The following PCDHGA2 variants were observed in gnomAD, a reference collection of about 807,000 sequenced individuals.
PCDHGA2 encodes protocadherin gamma subfamily A, 2.
Under a neutral mutation model 59.2 loss-of-function variants are expected in PCDHGA2, and 40 were observed. That is an observed-to-expected ratio of 0.68 (90% CI 0.52 to 0.88). The LOEUF is 0.88. PCDHGA2 is among the 40% of genes least tolerant of loss of function. The probability of loss-of-function intolerance (pLI) is 0.00; values close to 1 mark genes in which losing one functional copy is unlikely to be tolerated. For missense variants in PCDHGA2, 1,226 were observed against 1,204.0 expected, an observed-to-expected ratio of 1.02 and a Z score of -0.27; for synonymous variants, 560 against 526.0, an observed-to-expected ratio of 1.06 and a Z score of -0.89.
intron 1 of PCDHGA2, chr5:141,410,663 T>C (rs2095415377): frequency 6.4e-7 from 1 of 1,570,102 alleles, no homozygotes; most frequent in Non-Finnish European, 8.6e-7. Flanking sequence ...AATAGTCTAC[T>C]AGTTTCTCAT....
intron 1 of PCDHGA2, chr5:141,395,944 C>G (rs1218959085): frequency 6.6e-6 from 1 of 151,840 alleles, no homozygotes; most frequent in East Asian, 1.9e-4. Context: ...CATTGCTCCC[C>G]CAAACAAAAA....
chr5:141,341,447 A>G (rs1208592355), intron 1 of PCDHGA2, 52 bp downstream of exon 1: 10 of 1,609,036 alleles, frequency 6.2e-6, no homozygotes, highest in African/African-American at 1.3e-5. Context: ...GAAGTAATTC[A>G]CTTACTTGTT....
chr5:141,389,894 G>A (rs754241365), intron 1 of PCDHGA2: 56 of 1,613,970 alleles, frequency 3.5e-5, no homozygotes, highest in Non-Finnish European at 4.7e-5. Flanking sequence ...AGGAGGTGCT[G>A]CCGGATATCA....
chr5:141,366,164 A>G (rs1316186931), intron 1 of PCDHGA2: 1 of 1,614,076 alleles, frequency 6.2e-7, no homozygotes, highest in Middle Eastern at 1.6e-4. Context: ...GCTTAAGGCC[A>G]GCGAGCCAGG....
At chr5:141,495,153 T>G (rs2154591630) in intron 2 of PCDHGA2, among the ~76,000 whole-genome samples, 1 of 152,290 alleles carries the variant, frequency 6.6e-6, no homozygotes, top group East Asian at 1.9e-4. Flanking sequence ...AGGATGGTCT[T>G]AAGCTGGTCT....
At chr5:141,388,965 G>A in intron 1 of PCDHGA2, 2 of 1,613,978 alleles carry the variant, frequency 1.2e-6, no homozygotes, top group Non-Finnish European at 1.7e-6. Flanking sequence ...CGCCGAGCTG[G>A]GAACACATAT....
chr5:141,357,426 C>T (rs779091289), intron 1 of PCDHGA2: 34 of 1,614,084 alleles, frequency 2.1e-5, no homozygotes, highest in South Asian at 1.2e-4. Context: ...ACTTTGTGGG[C>T]GTGGACGGGG....
Position 141,511,350 on chromosome 5 carries a change from C to G in PCDHGA2, c.*177C>G, listed in dbSNP as rs1303365585. 4.3e-6 allele frequency: 6 copies of G among 1,397,194 alleles called. No homozygotes were observed. Among genetic ancestry groups the G allele is most frequent in the East Asian group, 2.5e-5 (1 of 39,862 alleles). The allele number at this position is 1,397,194 out of a possible 1,614,324, so 86.5% of individuals were successfully genotyped here. On this transcript the variant is annotated 3_prime_UTR_variant, in exon 4 of 4. Transcript: ENST00000394576. ...CCCAGTCAGCACCTACCCCTTCCCC[C>G]CCAGGGGGTTGAATATGCAAAAGCA...
chr5:141,486,278 G>A lies in PCDHGA2; in HGVS notation c.2425-8529G>A. The A allele has an allele frequency of 1.2e-6, 2 of 1,614,088 alleles. No individual in the cohort carries two copies. Among genetic ancestry groups the A allele is most frequent in the South Asian group, 2.2e-5 (2 of 91,068 alleles). On this transcript the variant is annotated intron_variant, in intron 1 of 3. Transcript: ENST00000394576. This position sits in a 1 kb window ranked among gnomAD's most constrained non-coding sequence, Gnocchi z 5.0. The stretch of plus-strand genomic sequence containing the variant: ...CGAGAGTGCAGAACCTGGCACTGTG[G>A]TGGCACTTATCAGTGTGCAGGATCC...
chr5:141,433,365 A>G (rs1347170890), intron 1 of PCDHGA2: 7 of 523,718 alleles, frequency 1.3e-5, no homozygotes, highest in Non-Finnish European at 2.4e-5. Context: ...CTGCCTATCT[A>G]TCTATCTATC....
chr5:141,349,577 C>A (rs1181404726), intron 1 of PCDHGA2, among the ~76,000 whole-genome samples: 2 of 152,028 alleles, frequency 1.3e-5, no homozygotes, highest in African/African-American at 4.8e-5. Context: ...GCTGTGATTT[C>A]CTCTTTTTTG....
chr5:141,410,031 AG>A lies in PCDHGA2; in HGVS notation c.2424+68638del, dbSNP rs1303415196. ...GCCTGGCTGTCCTACCACGTGCTGCAGGCCAGTGAGCCCGGACTCTTCAGCC... is the reference window on the plus strand; with the variant it reads ...GCCTGGCTGTCCTACCACGTGCTGCAGCCAGTGAGCCCGGACTCTTCAGCC... On this transcript the variant is annotated intron_variant, in intron 1 of 3. Coordinates refer to ENST00000394576, the MANE Select transcript of PCDHGA2 (RefSeq NM_018915.4). 3.1e-6 allele frequency: 5 copies of A among 1,613,236 alleles called. No homozygotes were observed. In the South Asian group the frequency reaches 5.5e-5, roughly 18 times the overall value.
Position 141,389,835 on chromosome 5 carries a change from C to T in PCDHGA2, c.2424+48440C>T, listed in dbSNP as rs1238547778. 4.3e-6 allele frequency: 7 copies of T among 1,614,002 alleles called. No homozygotes were observed. The South Asian group carries it at 7.7e-5, about 18-fold the overall frequency. On this transcript the variant is annotated intron_variant, in intron 1 of 3. Transcript: ENST00000394576. ...CGCCGTGCGTGACGGTGGACAGCCA[C>T]CACTCTCGGCCACTGCCACGTTGCA...
At position 141,432,900 on chromosome 5, in the gene PCDHGA2, T is replaced by A. The variant is rs139221180; in HGVS notation, c.2425-61907T>A. ...GCCTTCGTCATCTTGCTGCTGGCGCTCAGGCTGCGGCGCTGGCACAAGTCA... is the reference window on the plus strand; with the variant it reads ...GCCTTCGTCATCTTGCTGCTGGCGCACAGGCTGCGGCGCTGGCACAAGTCA... On this transcript the variant is annotated intron_variant, in intron 1 of 3. Transcript: ENST00000394576. The surrounding 1 kb of genome is among the most constrained non-coding windows in gnomAD (Gnocchi z 6.0). The A allele has an allele frequency of 7.9e-5, 128 of 1,614,174 alleles. No homozygotes were observed. The highest frequency in any genetic ancestry group is 7.4e-4 in the East Asian group (33 of 44,868).
chr5:141,403,136 C>T, intron 1 of PCDHGA2: 1 of 1,614,006 alleles, frequency 6.2e-7, no homozygotes, highest in South Asian at 1.1e-5. Flanking sequence ...GCTGGCGGAG[C>T]GCCGAGTCCG....
intron 1 of PCDHGA2, among the ~76,000 whole-genome samples, chr5:141,381,853 G>A (rs1391897608): frequency 1.4e-5 from 1 of 72,944 alleles, no homozygotes; most frequent in Non-Finnish European, 2.5e-5. Flanking sequence ...TTTTTTGGCA[G>A]AGTTTTGCTC....
Position 141,511,617 on chromosome 5 carries a change from C to T in PCDHGA2, c.*444C>T, listed in dbSNP as rs1562253545. The T allele has an allele frequency of 4.3e-6, 1 of 233,232 alleles. No homozygotes were observed. Among genetic ancestry groups the T allele is most frequent in the African/African-American group, 2.2e-5 (1 of 45,220 alleles). The allele number at this position is 233,232 out of a possible 1,614,324, so 14.4% of individuals were successfully genotyped here. A position where few individuals can be genotyped will look rare whatever the true frequency, so the allele number is the denominator to read the frequency against. Reference sequence around the variant, plus strand: ...CAAGTAACCTACAAGCCTCCTAGTTCTGAAAAGTTGGAAGGGCATCATGAC... The same window carrying T: ...CAAGTAACCTACAAGCCTCCTAGTTTTGAAAAGTTGGAAGGGCATCATGAC... On this transcript the variant is annotated 3_prime_UTR_variant, in exon 4 of 4. Coordinates refer to ENST00000394576, the MANE Select transcript of PCDHGA2 (RefSeq NM_018915.4).
intron 1 of PCDHGA2, chr5:141,389,736 G>A: frequency 6.2e-7 from 1 of 1,612,710 alleles, no homozygotes; most frequent in Non-Finnish European, 8.5e-7. Flanking sequence ...CTTCAGCCTG[G>A]GGCTGCGCAC....
intron 1 of PCDHGA2, chr5:141,426,849 G>A (rs749455878): frequency 2.4e-5 from 11 of 456,660 alleles, no homozygotes; most frequent in South Asian, 1.7e-4. Flanking sequence ...AGGCAAGAAC[G>A]CTCCAGAATT....
Sources: gnomAD v4.1 joint callset for allele counts (sites outside exome capture counted in the v4.1 genomes callset) on GRCh38, gnomAD v4.1.1 for gene constraint, Gnocchi (gnomAD v3.1) non-coding constraint, MANE v1.5 for transcripts, NCBI Gene and HGNC (gene_info 2026-07-23, HGNC 2026-07-21) for gene names.